Variants in GABRG3 observed in about 807,000 individuals in gnomAD.
The protein encoded by GABRG3 is gamma-aminobutyric acid receptor subunit gamma-3.
Under a neutral mutation model 48.8 loss-of-function variants are expected in GABRG3, and 25 were observed. The observed-to-expected ratio is 0.51, with a 90% CI of 0.37 to 0.72. The LOEUF (loss-of-function observed/expected upper bound fraction) is 0.72. Among genes scored for constraint, GABRG3 ranks in the 30% least tolerant of loss-of-function variants. The probability of loss-of-function intolerance (pLI) is 0.00; values close to 1 mark genes in which losing one functional copy is unlikely to be tolerated. For missense variants in GABRG3, 394 were observed against 577.9 expected, an observed-to-expected ratio of 0.68 and a Z score of 3.26; for synonymous variants, 227 against 217.6, an observed-to-expected ratio of 1.04 and a Z score of -0.38.
chr15:26,991,463 C>T (rs913954839), intron 2 of GABRG3, among the ~76,000 whole-genome samples: 1 of 151,822 alleles, frequency 6.6e-6, no homozygotes, highest in Non-Finnish European at 1.5e-5. Context: ...TTGGTGAAAA[C>T]TGTCATTGGT....
chr15:27,469,605 T>G (rs1031500028), intron 5 of GABRG3, among the ~76,000 whole-genome samples: 1 of 152,192 alleles, frequency 6.6e-6, no homozygotes, highest in Non-Finnish European at 1.5e-5. Flanking sequence ...CCTCCCAAAG[T>G]GCTGGGATCA....
chr15:27,050,721 T>A (rs975228769), intron 3 of GABRG3, among the ~76,000 whole-genome samples: 2 of 152,062 alleles, frequency 1.3e-5, no homozygotes, highest in South Asian at 2.1e-4. Context: ...ATAAACTTTT[T>A]AAATTTAATT....
intron 5 of GABRG3, among the ~76,000 whole-genome samples, chr15:27,367,246 C>T (rs1468044281): frequency 6.6e-6 from 1 of 152,174 alleles, no homozygotes; most frequent in Non-Finnish European, 1.5e-5. Flanking sequence ...CACCCAGGAC[C>T]TAGTTGTCCT....
chr15:27,112,590 C>A (rs2140371438), intron 3 of GABRG3, among the ~76,000 whole-genome samples: 1 of 151,840 alleles, frequency 6.6e-6, no homozygotes, highest in South Asian at 2.1e-4. Flanking sequence ...ACTGGTGCCC[C>A]CCACCACAGC....
At chr15:27,181,107 G>A (rs867203344) in intron 3 of GABRG3, among the ~76,000 whole-genome samples, 2 of 152,154 alleles carry the variant, frequency 1.3e-5, no homozygotes, top group Non-Finnish European at 2.9e-5. Context: ...CAGCATGCAG[G>A]GCTGGAGGCA....
intron 3 of GABRG3, among the ~76,000 whole-genome samples, chr15:27,324,627 T>A (rs1595677912): frequency 6.6e-6 from 1 of 152,334 alleles, no homozygotes; most frequent in East Asian, 1.9e-4. Context: ...TACCATTCAA[T>A]CTCAAGTAGT....
At chr15:26,984,606 A>C (rs1895117493) in intron 2 of GABRG3, among the ~76,000 whole-genome samples, 1 of 152,110 alleles carries the variant, frequency 6.6e-6, no homozygotes, top group East Asian at 1.9e-4. Flanking sequence ...TAGCTGGTTC[A>C]GGGTGATGTA....
At position 27,424,552 on chromosome 15, in the gene GABRG3, CT is replaced by C. The variant is rs534239781; in HGVS notation, c.575-56080del. On this transcript the variant is annotated intron_variant, in intron 5 of 9. Coordinates refer to ENST00000615808, the MANE Select transcript of GABRG3 (RefSeq NM_033223.5). ...ACTTAATCACCTCCTAAGGTTTCAC[CT>C]TTTTTTTTTTTTTTTTTGAGACAGA... Among the ~76,000 whole-genome samples the C allele has an allele frequency of 9.9e-3, 1,317 of 133,588 alleles. 6 individuals carry two copies. The highest frequency in any genetic ancestry group is 0.027 in the African/African-American group (985 of 36,164). The allele number at this position is 133,588 out of a possible 152,430, so 87.6% of individuals were successfully genotyped here.
intron 5 of GABRG3, among the ~76,000 whole-genome samples, chr15:27,408,306 G>A (rs1411873518): frequency 6.6e-6 from 1 of 152,088 alleles, no homozygotes; most frequent in Non-Finnish European, 1.5e-5. Context: ...TTTAGTAAGA[G>A]CCCCCAGATG....
chr15:27,151,532 G>A (rs1407643094), intron 3 of GABRG3, among the ~76,000 whole-genome samples: 1 of 151,956 alleles, frequency 6.6e-6, no homozygotes, highest in Non-Finnish European at 1.5e-5. Flanking sequence ...CTTGTGTTAT[G>A]TGGAAAAAAA....
At chr15:27,087,306 C>T (rs905450468) in intron 3 of GABRG3, among the ~76,000 whole-genome samples, 11 of 152,168 alleles carry the variant, frequency 7.2e-5, no homozygotes, top group Non-Finnish European at 8.8e-5. Context: ...AGTGGAATCC[C>T]GGCCTGCATG....
intron 3 of GABRG3, among the ~76,000 whole-genome samples, chr15:27,063,213 T>C (rs1896680912): frequency 6.6e-6 from 1 of 152,256 alleles, no homozygotes. Flanking sequence ...CTTTCAGTGT[T>C]ATCCCTGCCT....
intron 5 of GABRG3, among the ~76,000 whole-genome samples, chr15:27,379,618 A>G (rs542067329): frequency 1.3e-5 from 2 of 152,332 alleles, no homozygotes; most frequent in Admixed American, 6.5e-5. Flanking sequence ...TCTATTGCCA[A>G]CAAATGTTCT....
At chr15:27,308,167 T>TATGTTTATATATCCAAACATATATAACC in intron 3 of GABRG3, among the ~76,000 whole-genome samples, 1 of 21,292 alleles carries the variant, frequency 4.7e-5, no homozygotes, top group Non-Finnish European at 9.0e-5. Context: ...TATAAACATA[T>TATGTTTATATATCCAAACATATATAACC]ATGTTTATAT....
intron 3 of GABRG3, among the ~76,000 whole-genome samples, chr15:27,204,233 A>G (rs1269350979): frequency 6.6e-6 from 1 of 152,086 alleles, no homozygotes; most frequent in Non-Finnish European, 1.5e-5. Flanking sequence ...TATGTGGTGA[A>G]ACAAAGGGGT....
chr15:27,388,292 AAAAGAAGGAAGGAAAGG>A lies in GABRG3; in HGVS notation c.574+59405_574+59421del, dbSNP rs1896079100. On this transcript the variant is annotated intron_variant, in intron 5 of 9. Transcript: ENST00000615808. ...GAGGGAGGGTAAGGAAGGAAGGAAGAAAAGAAGGAAGGAAAGGGAGGGAGGGAAAAGAAGGAAGGAAG... is the reference window on the plus strand; with the variant it reads ...GAGGGAGGGTAAGGAAGGAAGGAAGAGAGGGAGGGAAAAGAAGGAAGGAAG... 2.7e-4 allele frequency among the ~76,000 whole-genome samples: 8 copies of A among 30,010 alleles called. 1 individual carries two copies. Among genetic ancestry groups the A allele is most frequent in the Non-Finnish European group, 5.0e-4 (8 of 16,040 alleles). The allele number at this position is 30,010 out of a possible 152,430, so 19.7% of individuals were successfully genotyped here. A position where few individuals can be genotyped will look rare whatever the true frequency, so the allele number is the denominator to read the frequency against.
chr15:27,056,292 G>A (rs759286261), intron 3 of GABRG3, among the ~76,000 whole-genome samples: 9 of 148,274 alleles, frequency 6.1e-5, no homozygotes, highest in African/African-American at 2.0e-4. Flanking sequence ...AACTGAGGCC[G>A]CAGTGAGCTG....
intron 3 of GABRG3, among the ~76,000 whole-genome samples, chr15:27,216,757 TA>T (rs1396390403): frequency 8.2e-6 from 1 of 121,902 alleles, no homozygotes; most frequent in Non-Finnish European, 1.7e-5. Context: ...ATTTTTTATT[TA>T]TTTATTTATT....
At chr15:27,111,539 C>T (rs1269786306) in intron 3 of GABRG3, among the ~76,000 whole-genome samples, 3 of 152,142 alleles carry the variant, frequency 2.0e-5, no homozygotes, top group Admixed American at 6.5e-5. Context: ...TGGCAGCGGG[C>T]TTTGTTTCTT....
Sources: gnomAD v4.1 joint callset for allele counts (sites outside exome capture counted in the v4.1 genomes callset) on GRCh38, gnomAD v4.1.1 for gene constraint, MANE v1.5 for transcripts, NCBI Gene and HGNC (gene_info 2026-07-23, HGNC 2026-07-21) for gene names.